The following MYH10 variants were observed in gnomAD, a reference collection of about 807,000 sequenced individuals.
MYH10 encodes myosin heavy chain 10, also known as myosin-10.
MYH10 carries 55 observed loss-of-function variants against 257.8 expected under a neutral mutation model. The observed-to-expected ratio is 0.21, with a 90% CI of 0.17 to 0.27. The LOEUF (loss-of-function observed/expected upper bound fraction) is 0.27, where lower values mean the gene tolerates loss of function less well. MYH10 is among the 10% of genes least tolerant of loss of function. MYH10 has a pLI of 1.00. For missense variants in MYH10, 1,631 were observed against 2,500.6 expected (o/e 0.65, Z 7.42); for synonymous variants, 854 against 921.7 (o/e 0.93, Z 1.33).
intron 17 of MYH10, among the ~76,000 whole-genome samples, chr17:8,528,671 G>A (rs193049722): frequency 1.3e-5 from 2 of 152,214 alleles, no homozygotes; most frequent in Admixed American, 6.5e-5. Flanking sequence ...ATGTCAGCAC[G>A]TCACAGGCAA....
intron 30 of MYH10, among the ~76,000 whole-genome samples, chr17:8,498,103 C>T (rs965867142): frequency 6.6e-6 from 1 of 150,922 alleles, no homozygotes; most frequent in African/African-American, 2.4e-5. Context: ...CTGCCTCAGC[C>T]TCCTGAGTAG....
chr17:8,625,732 C>A (rs935699954), intron 1 of MYH10, among the ~76,000 whole-genome samples: 2 of 152,128 alleles, frequency 1.3e-5, no homozygotes, highest in Non-Finnish European at 2.9e-5. Context: ...CCACCTGCCT[C>A]GGCCTCCCAA....
At chr17:8,625,789 A>G (rs2152112858) in intron 1 of MYH10, among the ~76,000 whole-genome samples, 1 of 152,312 alleles carries the variant, frequency 6.6e-6, no homozygotes, top group South Asian at 2.1e-4. Context: ...CCTGAGCCTC[A>G]GAATTTGCAT....
Position 8,483,828 on chromosome 17 carries a change from A to G in MYH10, c.5175+310T>C, listed in dbSNP as rs991524897. On this transcript the variant is annotated intron_variant, in intron 37 of 42. Transcript: ENST00000360416. ...TTGGAGTTACACAGTTCTTGTGCTT[A>G]TCAACACTTCCCTTTCCTGCACAGG... Among the ~76,000 whole-genome samples, 4 of 152,360 alleles carry G rather than the reference A, an allele frequency of 2.6e-5. No individual in the cohort carries two copies. In the East Asian group the frequency reaches 7.7e-4, roughly 29 times the overall value.
At chr17:8,578,972 T>C (rs2083600564) in intron 4 of MYH10, among the ~76,000 whole-genome samples, 1 of 152,210 alleles carries the variant, frequency 6.6e-6, no homozygotes, top group South Asian at 2.1e-4. Context: ...CTGGACTCTT[T>C]CTTGGAATTG....
intron 6 of MYH10, among the ~76,000 whole-genome samples, chr17:8,576,179 T>C (rs1279049710): frequency 6.6e-6 from 1 of 152,200 alleles, no homozygotes; most frequent in Non-Finnish European, 1.5e-5. Flanking sequence ...ATTGGGCCTT[T>C]GGTTTAAAAC....
chr17:8,565,854 A>G (rs1269137383), intron 7 of MYH10, among the ~76,000 whole-genome samples: 1 of 152,340 alleles, frequency 6.6e-6, no homozygotes, highest in East Asian at 1.9e-4. Flanking sequence ...TTGATTGTCA[A>G]CCTTTGGAAT....
chr17:8,625,772 C>T (rs913290787), intron 1 of MYH10, among the ~76,000 whole-genome samples: 1 of 152,194 alleles, frequency 6.6e-6, no homozygotes, highest in Non-Finnish European at 1.5e-5. Context: ...TGAGCCACCG[C>T]GTCCAGCCTG....
chr17:8,617,972 CTT>C (rs1022842398), intron 2 of MYH10, among the ~76,000 whole-genome samples: 18 of 152,194 alleles, frequency 1.2e-4, no homozygotes, highest in South Asian at 4.1e-4. Context: ...CGAAAAATAA[CTT>C]TTCATTTTCC....
chr17:8,511,060 A>ATG (rs2151875815), intron 24 of MYH10: 1 of 52,180 alleles, frequency 1.9e-5, no homozygotes. Context: ...ATATATATAT[A>ATG]CACACATACA....
At chr17:8,583,483 C>A (rs189039080) in intron 4 of MYH10, among the ~76,000 whole-genome samples, 18 of 152,046 alleles carry the variant, frequency 1.2e-4, no homozygotes, top group African/African-American at 3.9e-4. Flanking sequence ...AGTCTGATAG[C>A]CCCCCTAAAT....
intron 3 of MYH10, among the ~76,000 whole-genome samples, chr17:8,602,151 ATT>A (rs1266274185): frequency 1.3e-5 from 2 of 151,672 alleles, no homozygotes; most frequent in African/African-American, 4.9e-5. Context: ...AATTTTTTGT[ATT>A]TTCTTTAATA....
At chr17:8,615,519 C>T (rs893500888) in intron 2 of MYH10, among the ~76,000 whole-genome samples, 3 of 152,116 alleles carry the variant, frequency 2.0e-5, no homozygotes, top group African/African-American at 4.8e-5. Flanking sequence ...GTTAATCTCA[C>T]TGATGAATGA....
chr17:8,550,834 ACCTTAC>A (rs1380531591), intron 9 of MYH10, among the ~76,000 whole-genome samples: 1 of 151,810 alleles, frequency 6.6e-6, no homozygotes, highest in Non-Finnish European at 1.5e-5. Flanking sequence ...TTGATCTGAG[ACCTTAC>A]CCCCAACCCT....
chr17:8,591,757 C>T (rs763868110), intron 3 of MYH10, among the ~76,000 whole-genome samples: 2 of 152,160 alleles, frequency 1.3e-5, no homozygotes, highest in East Asian at 1.9e-4. Flanking sequence ...CATTCCCCCA[C>T]GCTTCTTGCT....
At chr17:8,508,123 C>T (rs1298620753) in intron 26 of MYH10, among the ~76,000 whole-genome samples, 1 of 152,180 alleles carries the variant, frequency 6.6e-6, no homozygotes, top group Non-Finnish European at 1.5e-5. Flanking sequence ...TAGCTCACTA[C>T]AGTGAGCTCC....
In MYH10 at chr17:8,509,872, C is replaced by T. The variant is rs1392428274; in HGVS notation, c.3030G>A (p.Lys1010=). The change falls in exon 25 of 43, where the codon AAG becomes AAA. Residue 1010 remains lysine, a synonymous_variant. Coordinates refer to ENST00000360416, the MANE Select transcript of MYH10 (RefSeq NM_001256012.3). ...LQLEKVTAEA[K]IKKMEEEILL... ...GAATCTCCTCTTCCATCTTCTTGAT[C>T]TTGGCCTCTGCTGTCACCTTTTCCA... 5 of 1,613,436 alleles carry T rather than the reference C, an allele frequency of 3.1e-6. No homozygotes were observed. Among genetic ancestry groups the T allele is most frequent in the Non-Finnish European group, 4.2e-6 (5 of 1,179,734 alleles).
chr17:8,543,496 T>A (rs946692259), intron 13 of MYH10, among the ~76,000 whole-genome samples: 13 of 151,556 alleles, frequency 8.6e-5, no homozygotes, highest in African/African-American at 3.2e-4. Flanking sequence ...TTTTTTTTTT[T>A]AGGAGTCTCG....
At position 8,495,749 on chromosome 17, in the gene MYH10, G is replaced by A. The variant is rs148448686; in HGVS notation, c.3952-508C>T. Among the ~76,000 whole-genome samples the A allele has an allele frequency of 5.8e-3, 882 of 150,796 alleles. 14 individuals are homozygous for A. Among genetic ancestry groups the A allele is most frequent in the African/African-American group, 0.02 (835 of 41,014 alleles). ...TTTTTTGAGATAGTCTCACCCTGTC[G>A]CCCTGGCTGGAGTGCAGTGGTGCAA... On this transcript the variant is annotated intron_variant, in intron 30 of 42. Coordinates refer to ENST00000360416, the MANE Select transcript of MYH10 (RefSeq NM_001256012.3).
Sources: gnomAD v4.1 joint callset for allele counts (sites outside exome capture counted in the v4.1 genomes callset) on GRCh38, gnomAD v4.1.1 for gene constraint, MANE v1.5 for transcripts, NCBI Gene and HGNC (gene_info 2026-07-23, HGNC 2026-07-21) for gene names.